ATP6V0A1: variants seen among roughly 807,000 people sequenced by gnomAD.
The protein encoded by ATP6V0A1 is ATPase H+ transporting V0 subunit a1.
A neutral mutation model predicts 105.4 loss-of-function variants in ATP6V0A1; 43 were observed. The ratio of observed to expected loss-of-function variants is 0.41; its 90% CI spans 0.32 to 0.53. The LOEUF is 0.53. Among genes scored for constraint, ATP6V0A1 ranks in the 20% least tolerant of loss-of-function variants. ATP6V0A1 has a pLI of 0.30. For missense variants in ATP6V0A1, 676 were observed against 1,051.1 expected (o/e 0.64, Z 4.93); for synonymous variants, 362 against 372.8 (o/e 0.97, Z 0.33).
chr17:42,519,497 C>T (rs912746912), intron 21 of ATP6V0A1: 3 of 152,218 alleles, frequency 2.0e-5, no homozygotes, highest in Non-Finnish European at 2.9e-5. Context: ...TTCAGCTGTT[C>T]TGAAATAACC....
chr17:42,509,056 C>T (rs1223053594), intron 19 of ATP6V0A1, among the ~76,000 whole-genome samples: 1 of 151,614 alleles, frequency 6.6e-6, no homozygotes, highest in Non-Finnish European at 1.5e-5. Flanking sequence ...CTGCTGCCCT[C>T]CTCAGCTTGA....
chr17:42,518,132 TG>T (rs1344945893), intron 21 of ATP6V0A1: 1 of 152,260 alleles, frequency 6.6e-6, no homozygotes, highest in Non-Finnish European at 1.5e-5. Flanking sequence ...GGGATTTGAT[TG>T]TAGTTATCAC....
At chr17:42,520,139 T>TA (rs1364212808) in intron 21 of ATP6V0A1, 11 of 274,948 alleles carry the variant, frequency 4.0e-5, no homozygotes, top group Non-Finnish European at 7.9e-5. Context: ...CCTGTTCTTA[T>TA]AGGGGCTCCG....
In ATP6V0A1 at chr17:42,494,319, T is replaced by G. The variant is rs765960354; in HGVS notation, c.1175-15T>G. On this transcript the variant is annotated splice_polypyrimidine_tract_variant and intron_variant, in intron 11 of 21. Coordinates refer to ENST00000343619, the MANE Select transcript of ATP6V0A1 (RefSeq NM_001130021.3). ...TAATGTACTTTGTATTTTTCTTTTTTTGGTTTCTTCATAGCTCCGTATACT... is the reference window on the plus strand; with the variant it reads ...TAATGTACTTTGTATTTTTCTTTTTGTGGTTTCTTCATAGCTCCGTATACT... The G allele has an allele frequency of 8.1e-6, 13 of 1,602,332 alleles. 1 individual carries two copies. Among genetic ancestry groups the G allele is most frequent in the Middle Eastern group, 1.7e-4 (1 of 6,054 alleles).
intron 21 of ATP6V0A1, among the ~76,000 whole-genome samples, chr17:42,515,264 C>T (rs1271614478): frequency 4.6e-5 from 7 of 151,690 alleles, no homozygotes; most frequent in African/African-American, 1.7e-4. Context: ...GTCAGGAATT[C>T]GAGACCAGCC....
At chr17:42,506,847 C>T (rs568570909) in intron 17 of ATP6V0A1, among the ~76,000 whole-genome samples, 17 of 152,158 alleles carry the variant, frequency 1.1e-4, no homozygotes, top group Non-Finnish European at 2.1e-4. Context: ...CAGCGTCTGC[C>T]CACGTGCCTG....
Position 42,490,522 on chromosome 17 carries a change from C to T in ATP6V0A1, c.1059C>T (p.Asn353=), listed in dbSNP as rs1486149518. 4.3e-6 allele frequency: 7 copies of T among 1,610,124 alleles called. No individual in the cohort carries two copies. Residue 353 remains asparagine (N), a synonymous_variant, in exon 11 of 22, where the codon AAC becomes AAT. Coordinates refer to ENST00000343619, the MANE Select transcript of ATP6V0A1 (RefSeq NM_001130021.3). Reference sequence around the variant, plus strand: ...GTTCCACTGTACCTTCCATTTTGAACAGGATGCAGACAAACCAGACTCCCC... The same window carrying T: ...GTTCCACTGTACCTTCCATTTTGAATAGGATGCAGACAAACCAGACTCCCC... The part of the protein sequence containing the change: ...HSGSTVPSIL[N]RMQTNQTPPT...
intron 17 of ATP6V0A1, among the ~76,000 whole-genome samples, chr17:42,504,736 G>A (rs2091907560): frequency 1.3e-5 from 2 of 152,042 alleles, no homozygotes; most frequent in Non-Finnish European, 2.9e-5. Context: ...ATCCCCTACT[G>A]ACATTAAAAA....
At chr17:42,471,613 A>G (rs1252542208) in intron 5 of ATP6V0A1, among the ~76,000 whole-genome samples, 1 of 152,080 alleles carries the variant, frequency 6.6e-6, no homozygotes, top group Non-Finnish European at 1.5e-5. Flanking sequence ...GCACACCTGT[A>G]GTTCCAGCTA....
Position 42,470,079 on chromosome 17 carries a change from A to G in ATP6V0A1, c.295-11A>G, listed in dbSNP as rs762429256. 12 of 1,589,394 alleles carry G rather than the reference A, an allele frequency of 7.6e-6. No individual in the cohort carries two copies. The highest frequency in any genetic ancestry group is 1.0e-5 in the Non-Finnish European group (12 of 1,166,138). On this transcript the variant is annotated splice_polypyrimidine_tract_variant and intron_variant, in intron 4 of 21. Coordinates refer to ENST00000343619, the MANE Select transcript of ATP6V0A1 (RefSeq NM_001130021.3). ...TGAGCTTAGCTTAATATATTTTCTT[A>G]TTTCATCTAGGCCAATTTTGAGAAG... is the stretch of plus-strand genomic sequence containing the variant.
intron 10 of ATP6V0A1, among the ~76,000 whole-genome samples, chr17:42,487,942 T>G (rs2090269045): frequency 6.6e-6 from 1 of 152,160 alleles, no homozygotes; most frequent in Non-Finnish European, 1.5e-5. Context: ...GCTGAAATAA[T>G]TTGGTCATAT....
intron 5 of ATP6V0A1, among the ~76,000 whole-genome samples, chr17:42,477,315 C>A (rs1234386733): frequency 6.6e-6 from 1 of 152,200 alleles, no homozygotes; most frequent in Non-Finnish European, 1.5e-5. Flanking sequence ...TTTCATCATT[C>A]ATTCAGGGAA....
At chr17:42,477,007 A>G (rs1000045658) in intron 5 of ATP6V0A1, among the ~76,000 whole-genome samples, 1 of 152,190 alleles carries the variant, frequency 6.6e-6, no homozygotes, top group Non-Finnish European at 1.5e-5. Flanking sequence ...GGATCATTCT[A>G]TAAGTGGCCA....
At chr17:42,483,162 T>A in intron 9 of ATP6V0A1, 31 bp downstream of exon 9, 1 of 1,420,742 alleles carries the variant, frequency 7.0e-7, no homozygotes, top group African/African-American at 1.4e-5. Context: ...AATTTGTTTT[T>A]GTGAAATACT....
At position 42,496,061 on chromosome 17, in the gene ATP6V0A1, CAAAAA is replaced by C. The variant is rs11352520; in HGVS notation, c.1560+361_1560+365del. 3.0e-3 allele frequency: 293 copies of C among 97,208 alleles called. 2 individuals carry two copies. Among genetic ancestry groups the C allele is most frequent in the South Asian group, 5.0e-3 (15 of 2,996 alleles). The allele number at this position is 97,208 out of a possible 1,614,324, so 6.0% of individuals were successfully genotyped here. On this transcript the variant is annotated intron_variant, in intron 14 of 21. Coordinates refer to ENST00000343619, the MANE Select transcript of ATP6V0A1 (RefSeq NM_001130021.3). ...TGTGTGACAGAGCAAGACTCCGTCT[CAAAAA>C]AAAAAAAAAAAAAAAGAAAGAAAGA...
chr17:42,469,993 T>G, intron 4 of ATP6V0A1, 97 bp from the exon 5 acceptor site: 1 of 1,232,598 alleles, frequency 8.1e-7, no homozygotes, highest in Non-Finnish European at 1.1e-6. Context: ...CTCTTTGAAC[T>G]ATCGGCTTGG....
chr17:42,467,568 A>G (rs569247915), intron 3 of ATP6V0A1, among the ~76,000 whole-genome samples: 7 of 152,316 alleles, frequency 4.6e-5, no homozygotes, highest in Non-Finnish European at 1.0e-4. Context: ...TTCAAATTTA[A>G]TGAACCCCTT....
At chr17:42,469,813 T>G (rs943821801) in intron 4 of ATP6V0A1, among the ~76,000 whole-genome samples, 1 of 152,170 alleles carries the variant, frequency 6.6e-6, no homozygotes, top group Admixed American at 6.6e-5. Flanking sequence ...CAGCTAATTT[T>G]GTATTTTTAG....
At position 42,507,513 on chromosome 17, in the gene ATP6V0A1, T is replaced by C; in HGVS notation, c.2005-7T>C. The stretch of plus-strand genomic sequence containing the variant: ...GCAAATTCTACTCTTTCTGTTCATC[T>C]GTGTAGGGAACTCTCAACTTTGGTG... On this transcript the variant is annotated splice_polypyrimidine_tract_variant and splice_region_variant and intron_variant, in intron 17 of 21. Coordinates refer to ENST00000343619, the MANE Select transcript of ATP6V0A1 (RefSeq NM_001130021.3). 6.3e-7 allele frequency: 1 copy of C among 1,597,584 alleles called. No individual in the cohort carries two copies. The highest frequency in any genetic ancestry group is 1.1e-5 in the South Asian group (1 of 90,454).
Sources: gnomAD v4.1 joint callset for allele counts (sites outside exome capture counted in the v4.1 genomes callset) on GRCh38, gnomAD v4.1.1 for gene constraint, MANE v1.5 for transcripts, NCBI Gene and HGNC (gene_info 2026-07-23, HGNC 2026-07-21) for gene names.